The following CAPZB variants were observed in gnomAD, a reference collection of about 807,000 sequenced individuals.
CAPZB encodes capping actin protein of muscle Z-line subunit beta, also known as F-actin-capping protein subunit beta.
A neutral mutation model predicts 38.1 loss-of-function variants in CAPZB; 2 were observed. The ratio of observed to expected loss-of-function variants is 0.05; its 90% confidence interval spans 0.02 to 0.17. The LOEUF (loss-of-function observed/expected upper bound fraction) is 0.17, where lower values mean the gene tolerates loss of function less well. CAPZB is among the 10% of genes least tolerant of loss of function. CAPZB has a pLI of 1.00. For missense variants in CAPZB, 161 were observed against 334.2 expected (o/e 0.48, Z 4.04); for synonymous variants, 107 against 127.4 (o/e 0.84, Z 1.08).
chr1:19,383,380 G>C (rs907762243), intron 3 of CAPZB, among the ~76,000 whole-genome samples: 1 of 149,450 alleles, frequency 6.7e-6, no homozygotes, highest in African/African-American at 2.5e-5. Flanking sequence ...CCAGGAGACA[G>C]AGGTTGCAGT....
intron 1 of CAPZB, among the ~76,000 whole-genome samples, chr1:19,455,704 GC>G (rs534346536): frequency 1.0e-3 from 156 of 152,222 alleles, no homozygotes; most frequent in African/African-American, 3.7e-3. Flanking sequence ...GATGAGATTG[GC>G]CCTGACGCCA....
intron 2 of CAPZB, among the ~76,000 whole-genome samples, chr1:19,399,301 A>T (rs989170889): frequency 1.3e-5 from 2 of 152,226 alleles, no homozygotes; most frequent in Non-Finnish European, 2.9e-5. Flanking sequence ...AGAGAACCAC[A>T]TGGATCCAAG....
chr1:19,482,973 C>G (rs1246436881), intron 1 of CAPZB, among the ~76,000 whole-genome samples: 1 of 152,168 alleles, frequency 6.6e-6, no homozygotes, highest in Non-Finnish European at 1.5e-5. Context: ...GAAATCCAAG[C>G]AGGTAAGTTC....
intron 1 of CAPZB, among the ~76,000 whole-genome samples, chr1:19,426,320 A>C (rs2100550391): frequency 6.6e-6 from 1 of 152,274 alleles, no homozygotes; most frequent in Non-Finnish European, 1.5e-5. Context: ...GGGAATGACG[A>C]CTGCTGTTGT....
intron 1 of CAPZB, among the ~76,000 whole-genome samples, chr1:19,445,839 C>G (rs1570291636): frequency 6.6e-6 from 1 of 152,164 alleles, no homozygotes; most frequent in Non-Finnish European, 1.5e-5. Flanking sequence ...ACACTTAAAG[C>G]TGGGGAATCT....
intron 1 of CAPZB, among the ~76,000 whole-genome samples, chr1:19,451,895 A>G (rs1345153257): frequency 6.6e-6 from 1 of 152,110 alleles, no homozygotes; most frequent in East Asian, 1.9e-4. Flanking sequence ...TTATGTGCCA[A>G]TAATAATGCT....
At chr1:19,443,127 C>T (rs1389975649) in intron 1 of CAPZB, among the ~76,000 whole-genome samples, 2 of 152,022 alleles carry the variant, frequency 1.3e-5, no homozygotes, top group East Asian at 3.9e-4. Context: ...TAGTTCACGC[C>T]TGTAATCACA....
chr1:19,471,130 A>AC (rs887114006), intron 1 of CAPZB, among the ~76,000 whole-genome samples: 4 of 152,376 alleles, frequency 2.6e-5, no homozygotes, highest in Admixed American at 2.0e-4. Flanking sequence ...ATAACTGATA[A>AC]CATCGAACAA....
chr1:19,455,792 C>T (rs1274590746), intron 1 of CAPZB, among the ~76,000 whole-genome samples: 1 of 152,234 alleles, frequency 6.6e-6, no homozygotes, highest in Admixed American at 6.5e-5. Context: ...TCCAGTACCA[C>T]AGGCTACAAC....
intron 6 of CAPZB, among the ~76,000 whole-genome samples, chr1:19,349,754 G>A (rs1024359927): frequency 7.9e-5 from 12 of 152,080 alleles, no homozygotes; most frequent in African/African-American, 2.2e-4. Context: ...CTGAGCCCAC[G>A]TAAATGGCCA....
intron 2 of CAPZB, among the ~76,000 whole-genome samples, chr1:19,414,327 C>A (rs1166137545): frequency 6.6e-6 from 1 of 152,194 alleles, no homozygotes; most frequent in Non-Finnish European, 1.5e-5. Flanking sequence ...GAGGGCTGCT[C>A]TGGCTACTTA....
At chr1:19,430,491 C>T (rs557361174) in intron 1 of CAPZB, among the ~76,000 whole-genome samples, 6 of 152,136 alleles carry the variant, frequency 3.9e-5, no homozygotes, top group African/African-American at 7.2e-5. Context: ...GTGAACCTGG[C>T]GAAATGACAA....
intron 2 of CAPZB, among the ~76,000 whole-genome samples, chr1:19,397,032 A>C (rs1249701661): frequency 6.6e-6 from 1 of 152,160 alleles, no homozygotes; most frequent in Non-Finnish European, 1.5e-5. Flanking sequence ...AGACCAGGTA[A>C]AAATACACAA....
intron 4 of CAPZB, among the ~76,000 whole-genome samples, chr1:19,359,705 C>T (rs897903189): frequency 3.9e-5 from 6 of 152,178 alleles, no homozygotes; most frequent in Admixed American, 1.3e-4. Context: ...GGTCAAACTG[C>T]GCAGGGTGGG....
intron 1 of CAPZB, chr1:19,424,606 A>C (rs2094415530): frequency 6.6e-6 from 1 of 152,382 alleles, no homozygotes; most frequent in Admixed American, 6.5e-5. Flanking sequence ...AAAAAATACA[A>C]GGAAGAGCAA....
chr1:19,422,693 C>T (rs1222117528), intron 1 of CAPZB, among the ~76,000 whole-genome samples: 1 of 151,840 alleles, frequency 6.6e-6, no homozygotes, highest in Non-Finnish European at 1.5e-5. Context: ...GCCCAGATCA[C>T]TCCAGCCTGG....
At chr1:19,398,707 G>A (rs2094286362) in intron 2 of CAPZB, among the ~76,000 whole-genome samples, 1 of 152,026 alleles carries the variant, frequency 6.6e-6, no homozygotes, top group African/African-American at 2.4e-5. Context: ...AGGGGAGACT[G>A]GAGGGGACAT....
chr1:19,351,074 C>T (rs2093989068), intron 6 of CAPZB, among the ~76,000 whole-genome samples: 1 of 151,876 alleles, frequency 6.6e-6, no homozygotes. Context: ...CCTCTGCCTC[C>T]CGGGTTCAAG....
intron 2 of CAPZB, among the ~76,000 whole-genome samples, chr1:19,393,982 C>T (rs535503922): frequency 2.3e-4 from 35 of 152,364 alleles, no homozygotes; most frequent in African/African-American, 7.9e-4. Flanking sequence ...AGTCACTTGG[C>T]GCTGAGGGCC....
Sources: allele counts gnomAD v4.1 joint callset (sites outside exome capture counted in the v4.1 genomes callset), GRCh38; gene constraint gnomAD v4.1.1; transcripts MANE v1.5; gene names NCBI Gene and HGNC (gene_info 2026-07-23, HGNC 2026-07-21).